FGFR2: variants seen among roughly 807,000 people sequenced by gnomAD.
FGFR2 encodes the protein fibroblast growth factor receptor 2.
A neutral mutation model predicts 95.9 loss-of-function variants in FGFR2; 19 were observed. The ratio of observed to expected loss-of-function variants is 0.20; its 90% confidence interval spans 0.14 to 0.29. The LOEUF (loss-of-function observed/expected upper bound fraction) is 0.29, where lower values mean the gene tolerates loss of function less well. FGFR2 is among the 10% of genes least tolerant of loss of function. FGFR2 has a pLI of 1.00. For missense variants in FGFR2, 707 were observed against 1,056.9 expected (o/e 0.67, Z 4.59); for synonymous variants, 392 against 393.3 (o/e 1.00, Z 0.04).
At chr10:121,556,779 C>T (rs1277851256) in intron 4 of FGFR2, among the ~76,000 whole-genome samples, 1 of 152,146 alleles carries the variant, frequency 6.6e-6, no homozygotes, top group East Asian at 1.9e-4. Flanking sequence ...AAAACACAGC[C>T]TGTTCCAGCT....
chr10:121,566,463 C>T (rs377624901), intron 2 of FGFR2, among the ~76,000 whole-genome samples: 6 of 152,120 alleles, frequency 3.9e-5, no homozygotes, highest in Admixed American at 2.0e-4. Flanking sequence ...TGTGTGCCCC[C>T]GACTCCACAC....
chr10:121,516,074 A>G (rs1391784748), intron 8 of FGFR2, among the ~76,000 whole-genome samples: 1 of 152,146 alleles, frequency 6.6e-6, no homozygotes, highest in Non-Finnish European at 1.5e-5. Flanking sequence ...GTGAGTATAC[A>G]TATAATTACT....
intron 2 of FGFR2, among the ~76,000 whole-genome samples, chr10:121,570,082 C>T (rs1262542004): frequency 6.6e-6 from 1 of 152,244 alleles, no homozygotes; most frequent in Non-Finnish European, 1.5e-5. Flanking sequence ...CCCCCAAGCC[C>T]AGCCTGCAGG....
chr10:121,535,626 C>A (rs1852725265), intron 6 of FGFR2, among the ~76,000 whole-genome samples: 2 of 152,214 alleles, frequency 1.3e-5, no homozygotes, highest in Admixed American at 1.3e-4. Context: ...CTCCCGGAGC[C>A]ACAGCTACTT....
In FGFR2 at chr10:121,594,193, C is replaced by A. The variant is rs963341963; in HGVS notation, c.-150-226G>T. On this transcript the variant is annotated intron_variant, in intron 1 of 17. Transcript: ENST00000358487. ...TTTTTAAAAGCATACTTTTAAGAAACAGAGATAAAACAGTAGCTACAGGAC... is the reference window on the plus strand; with the variant it reads ...TTTTTAAAAGCATACTTTTAAGAAAAAGAGATAAAACAGTAGCTACAGGAC... 3 of 441,282 alleles carry A rather than the reference C, an allele frequency of 6.8e-6. No individual in the cohort carries two copies. The East Asian group carries it at 1.2e-4, about 17-fold the overall frequency. 27.3% of individuals were successfully genotyped at this position (441,282 alleles called of 1,614,324 possible). A position where few individuals can be genotyped will look rare whatever the true frequency, so the allele number is the denominator to read the frequency against.
chr10:121,505,868 C>T (rs1848198854), intron 9 of FGFR2, among the ~76,000 whole-genome samples: 1 of 152,164 alleles, frequency 6.6e-6, no homozygotes, highest in Non-Finnish European at 1.5e-5. Flanking sequence ...GCCAATGATG[C>T]TTCCCCAAAT....
At chr10:121,532,836 T>C (rs994961237) in intron 6 of FGFR2, among the ~76,000 whole-genome samples, 3 of 152,194 alleles carry the variant, frequency 2.0e-5, no homozygotes, top group Admixed American at 2.0e-4. Context: ...AGGGGGGACT[T>C]CGCTCTGGTA....
At chr10:121,597,873 G>C (rs1351836540) in intron 1 of FGFR2, 89 bp downstream of exon 1, 1 of 384,486 alleles carries the variant, frequency 2.6e-6, no homozygotes, top group African/African-American at 2.1e-5. Context: ...CCCCCCGCCC[G>C]GAGGACGGTG....
chr10:121,496,229 G>T (rs187069991), intron 13 of FGFR2, among the ~76,000 whole-genome samples: 1 of 152,082 alleles, frequency 6.6e-6, no homozygotes, highest in Non-Finnish European at 1.5e-5. Flanking sequence ...ATTAAAGGGG[G>T]CCTTTAAAAC....
At chr10:121,500,804 A>AGCCTCCC in intron 11 of FGFR2, 22 bp downstream of exon 11, 2 of 1,613,068 alleles carry the variant, frequency 1.2e-6, no homozygotes, top group Non-Finnish European at 1.7e-6. Context: ...CCCCTCCCCG[A>AGCCTCCC]GCCTCCCGCC....
chr10:121,534,172 C>T lies in FGFR2; in HGVS notation c.748+4420G>A, dbSNP rs755155349. Among the ~76,000 whole-genome samples, 83 of 142,874 alleles carry T rather than the reference C, an allele frequency of 5.8e-4. 1 individual carries two copies. Among genetic ancestry groups the T allele is most frequent in the Middle Eastern group, 7.6e-3 (2 of 262 alleles). The allele number at this position is 142,874 out of a possible 152,430, so 93.7% of individuals were successfully genotyped here. A position where few individuals can be genotyped will look rare whatever the true frequency, so the allele number is the denominator to read the frequency against. ...GGAGTGCAATGGCACAATCTCAGCT[C>T]ACTGCAACCTCTGCCTCCTGCGTTC... On this transcript the variant is annotated intron_variant, in intron 6 of 17. Coordinates refer to ENST00000358487, the MANE Select transcript of FGFR2 (RefSeq NM_000141.5).
At chr10:121,490,277 C>A (rs1442674598) in intron 13 of FGFR2, among the ~76,000 whole-genome samples, 2 of 151,036 alleles carry the variant, frequency 1.3e-5, no homozygotes, top group African/African-American at 4.9e-5. Context: ...GATTCTCCTG[C>A]CCTCAGCCTC....
At chr10:121,569,225 T>TTTTC (rs1402429422) in intron 2 of FGFR2, among the ~76,000 whole-genome samples, 1 of 127,666 alleles carries the variant, frequency 7.8e-6, no homozygotes, top group African/African-American at 3.5e-5. Flanking sequence ...TTTTCTTTTC[T>TTTTC]TTTTTTTTTT....
chr10:121,540,331 A>T (rs2134639271), intron 5 of FGFR2, among the ~76,000 whole-genome samples: 1 of 152,026 alleles, frequency 6.6e-6, no homozygotes, highest in Admixed American at 6.6e-5. Flanking sequence ...TATGACAAAG[A>T]CTCGCTTTCT....
At chr10:121,590,038 G>T (rs1260809678) in intron 2 of FGFR2, among the ~76,000 whole-genome samples, 1 of 152,186 alleles carries the variant, frequency 6.6e-6, no homozygotes, top group South Asian at 2.1e-4. Context: ...ACTTAGGGAG[G>T]TCTCTGTGTA....
chr10:121,489,306 T>A (rs1253477553), intron 13 of FGFR2, among the ~76,000 whole-genome samples: 1 of 152,086 alleles, frequency 6.6e-6, no homozygotes, highest in Non-Finnish European at 1.5e-5. Context: ...ACTCCTGACC[T>A]CAGGTGAGCC....
rs1329042926 is a variant in FGFR2 at position 121,517,323 on chromosome 10, C to A, written c.1080G>T (p.Leu360=). The change falls in exon 8 of 18, where the codon CTG becomes CTT. Residue 360 remains leucine, a synonymous_variant. Transcript: ENST00000358487. The surrounding 1 kb of genome is among the most constrained non-coding windows in gnomAD (Gnocchi z 4.7). ...GAGAGAAAGAACAGTATATACCTGG[C>A]AGAACTGTCAACCATGCAGAGTGAA... ...ISFHSAWLTV[L]PAPGREKEIT... is the part of the protein sequence containing the mutation. 1 of 1,614,150 alleles carries A rather than the reference C, an allele frequency of 6.2e-7. No homozygotes were observed. The highest frequency in any genetic ancestry group is 1.1e-5 in the South Asian group (1 of 91,082).
At chr10:121,522,517 T>C (rs189029362) in intron 6 of FGFR2, among the ~76,000 whole-genome samples, 12 of 152,110 alleles carry the variant, frequency 7.9e-5, no homozygotes, top group African/African-American at 2.7e-4. Flanking sequence ...GATCATGCCA[T>C]TGCACTCCAG....
chr10:121,564,282 T>C (rs1323711272), intron 4 of FGFR2: 5 of 589,856 alleles, frequency 8.5e-6, no homozygotes, highest in East Asian at 5.7e-5. Flanking sequence ...GAAAAACGAA[T>C]GACCAGTGAC....
Sources: allele counts gnomAD v4.1 joint callset (sites outside exome capture counted in the v4.1 genomes callset), GRCh38; gene constraint gnomAD v4.1.1; non-coding constraint Gnocchi (gnomAD v3.1); transcripts MANE v1.5; gene names NCBI Gene and HGNC (gene_info 2026-07-23, HGNC 2026-07-21).